Variants in CASK observed in about 807,000 individuals in gnomAD.
CASK encodes peripheral plasma membrane protein CASK.
Under a neutral mutation model 82.9 loss-of-function variants are expected in CASK, and 4 were observed. The ratio of observed to expected loss-of-function variants is 0.05; its 90% CI spans 0.02 to 0.11. The LOEUF is 0.11. Among genes scored for constraint, CASK ranks in the 10% least tolerant of loss-of-function variants. CASK has a pLI of 1.00. For synonymous variants in CASK, 259 were observed against 253.5 expected (o/e 1.02, Z -0.20); for missense variants, 358 against 720.9 (o/e 0.50, Z 5.76).
chrX:41,855,715 G>A lies in CASK; in HGVS notation c.60-2488C>T, dbSNP rs188159424. 4.2e-3 allele frequency among the ~76,000 whole-genome samples: 465 copies of A among 111,666 alleles called. 1 individual carries two copies. The highest frequency in any genetic ancestry group is 0.014 in the African/African-American group (445 of 30,728). ...ACAGTCAATTCTTGAATATTTATGT[G>A]GGGGAAAATACTGGTAGAGATAGTT... On this transcript the variant is annotated intron_variant, in intron 1 of 26. Coordinates refer to ENST00000378163, the MANE Select transcript of CASK (RefSeq NM_001367721.1).
At chrX:41,555,937 A>T in intron 19 of CASK, 1 of 219,658 alleles carries the variant, frequency 4.6e-6, no homozygotes, top group African/African-American at 2.9e-5. Flanking sequence ...AAAAAAAAAA[A>T]ATAAATAAAA....
chrX:41,649,839 T>C (rs1203657662), intron 8 of CASK, among the ~76,000 whole-genome samples: 2 of 111,395 alleles, frequency 1.8e-5, no homozygotes, highest in Non-Finnish European at 3.8e-5. Context: ...CTGTCTGATA[T>C]TGACAGTGGG....
intron 2 of CASK, among the ~76,000 whole-genome samples, chrX:41,849,450 AG>A (rs1255934955): frequency 1.4e-4 from 16 of 111,837 alleles, no homozygotes; most frequent in Non-Finnish European, 7.5e-5. Context: ...TCCCCCAATC[AG>A]AAGTCATATC....
intron 1 of CASK, among the ~76,000 whole-genome samples, chrX:41,915,626 G>A (rs949874392): frequency 3.6e-5 from 4 of 111,403 alleles, no homozygotes; most frequent in East Asian, 5.7e-4. Flanking sequence ...CACTTTGGGA[G>A]ACCAAGGCAG....
chrX:41,751,694 T>C (rs2068792701), intron 3 of CASK, among the ~76,000 whole-genome samples: 1 of 110,029 alleles, frequency 9.1e-6, no homozygotes, highest in South Asian at 3.9e-4. Context: ...AGCTGCACTA[T>C]GAAAAATGGG....
At chrX:41,756,215 G>A (rs1027063334) in intron 3 of CASK, among the ~76,000 whole-genome samples, 1 of 111,877 alleles carries the variant, frequency 8.9e-6, no homozygotes, top group Non-Finnish European at 1.9e-5. Context: ...TTGACACTAG[G>A]ACAGACAACA....
chrX:41,517,775 G>T lies in CASK; in HGVS notation c.*2645C>A. ...GGACAATTGTAATGTAGCAGTAGCA[G>T]CAGCAGCAGCAGCAGCAGCAGCAGC... On this transcript the variant is annotated 3_prime_UTR_variant, in exon 27 of 27. Coordinates refer to ENST00000378163, the MANE Select transcript of CASK (RefSeq NM_001367721.1). 1 of 612,440 alleles carries T rather than the reference G, an allele frequency of 1.6e-6. No homozygotes were observed. Among genetic ancestry groups the T allele is most frequent in the Non-Finnish European group, 2.4e-6 (1 of 417,096 alleles). The allele number at this position is 612,440 out of a possible 1,213,427, so 50.5% of individuals were successfully genotyped here.
chrX:41,519,873 T>C lies in CASK; in HGVS notation c.*547A>G, dbSNP rs1395974610. 9.4e-6 allele frequency: 1 copy of C among 106,423 alleles called. No individual in the cohort carries two copies. The highest frequency in any genetic ancestry group is 1.9e-5 in the Non-Finnish European group (1 of 51,747). The allele number at this position is 106,423 out of a possible 1,213,427, so 8.8% of individuals were successfully genotyped here. A position where few individuals can be genotyped will look rare whatever the true frequency, so the allele number is the denominator to read the frequency against. ...ACATAAAGGACTTAAAAAAAAATAC[T>C]ATTCTAAAAAAAAAAAAAGAGAGAA... On this transcript the variant is annotated 3_prime_UTR_variant, in exon 27 of 27. Coordinates refer to ENST00000378163, the MANE Select transcript of CASK (RefSeq NM_001367721.1).
chrX:41,736,327 T>G (rs2068496714), intron 5 of CASK, among the ~76,000 whole-genome samples: 2 of 111,138 alleles, frequency 1.8e-5, no homozygotes, highest in South Asian at 7.6e-4. Context: ...AAACCTCGTC[T>G]CTACAAAAAA....
intron 5 of CASK, among the ~76,000 whole-genome samples, chrX:41,687,116 G>T (rs1369913578): frequency 8.9e-6 from 1 of 112,061 alleles, no homozygotes; most frequent in African/African-American, 3.2e-5. Flanking sequence ...TTTTGAAAAG[G>T]GTTGTCTTAG....
intron 26 of CASK, 80 bp from the exon 27 acceptor site, chrX:41,520,676 G>A (rs2064624376): frequency 5.4e-5 from 47 of 870,776 alleles, no homozygotes; most frequent in Non-Finnish European, 7.7e-5. Flanking sequence ...AGTTGGATTC[G>A]TTCTCTTTTC....
At position 41,897,806 on chromosome X, in the gene CASK, C is replaced by T. The variant is rs1016181838; in HGVS notation, c.59+25124G>A. 8.9e-5 allele frequency among the ~76,000 whole-genome samples: 10 copies of T among 111,784 alleles called. No individual in the cohort carries two copies. In the Admixed American group the frequency reaches 9.4e-4, roughly 11 times the overall value. On this transcript the variant is annotated intron_variant, in intron 1 of 26. Coordinates refer to ENST00000378163, the MANE Select transcript of CASK (RefSeq NM_001367721.1). ...CCAACCATAGAGAAAAGAGTCTCTT[C>T]AGATATATCTGTTGTACCAAGCATG...
intron 15 of CASK, among the ~76,000 whole-genome samples, chrX:41,576,965 A>G (rs1412343401): frequency 8.9e-6 from 1 of 112,431 alleles, no homozygotes; most frequent in Non-Finnish European, 1.9e-5. Flanking sequence ...CTCTCCAAAA[A>G]TCATGGTCAT....
intron 1 of CASK, among the ~76,000 whole-genome samples, chrX:41,914,879 C>T (rs1015856000): frequency 8.9e-6 from 1 of 111,923 alleles, no homozygotes; most frequent in Non-Finnish European, 1.9e-5. Context: ...GATAGATTTA[C>T]AGAGAGATAG....
rs915085538 is a variant in CASK at position 41,646,181 on chromosome X, G to A, written c.832-9520C>T. Among the ~76,000 whole-genome samples, 3 of 111,157 alleles carry A rather than the reference G, an allele frequency of 2.7e-5. 1 individual carries two copies. Among genetic ancestry groups the A allele is most frequent in the African/African-American group, 9.8e-5 (3 of 30,576 alleles). ...TCTCCCTTTCTCCTTTAAAACAAAT[G>A]AAAGGAGGAGTAATAGGAGATACCC... On this transcript the variant is annotated intron_variant, in intron 8 of 26. Transcript: ENST00000378163.
chrX:41,564,918 G>A (rs1390816816), intron 16 of CASK, among the ~76,000 whole-genome samples: 1 of 111,964 alleles, frequency 8.9e-6, no homozygotes, highest in African/African-American at 3.2e-5. Flanking sequence ...TTAGAACTCA[G>A]GATTAAGAAA....
chrX:41,535,067 T>A, intron 22 of CASK, 94 bp from the exon 23 acceptor site: 1 of 547,088 alleles, frequency 1.8e-6, no homozygotes, highest in Non-Finnish European at 3.1e-6. Flanking sequence ...ACAGTTATAT[T>A]AAAACCATGT....
intron 1 of CASK, among the ~76,000 whole-genome samples, chrX:41,868,484 C>T (rs2071632032): frequency 8.9e-6 from 1 of 112,024 alleles, no homozygotes; most frequent in Non-Finnish European, 1.9e-5. Context: ...CCTGGACGTA[C>T]AGACACTCCA....
chrX:41,697,368 C>A (rs1331671547), intron 5 of CASK: 2 of 120,395 alleles, frequency 1.7e-5, no homozygotes, highest in Admixed American at 1.9e-4. Flanking sequence ...GATTCAATAG[C>A]CTAGCAATAG....
Sources: allele counts gnomAD v4.1 joint callset (sites outside exome capture counted in the v4.1 genomes callset), GRCh38; gene constraint gnomAD v4.1.1; transcripts MANE v1.5; gene names NCBI Gene and HGNC (gene_info 2026-07-23, HGNC 2026-07-21).